Variants in MIER1 observed in about 807,000 individuals in gnomAD.
MIER1 encodes the protein MIER1 transcriptional regulator.
In MIER1, 40 loss-of-function variants were observed where a neutral mutation model predicts 75.7. The ratio of observed to expected loss-of-function variants is 0.53; its 90% confidence interval spans 0.41 to 0.69. The LOEUF is 0.69. MIER1 is among the 30% of genes least tolerant of loss of function. The pLI, the probability that MIER1 is intolerant of heterozygous loss-of-function variation, is 0.00. For synonymous variants in MIER1, 213 were observed against 223.4 expected (o/e 0.95, Z 0.42); for missense variants, 574 against 680.2 (o/e 0.84, Z 1.74).
intron 7 of MIER1, among the ~76,000 whole-genome samples, chr1:66,960,355 C>T (rs999374557): frequency 2.6e-4 from 40 of 151,884 alleles, no homozygotes; most frequent in East Asian, 1.9e-4. Context: ...TTGGCTTCTT[C>T]GTAACTATAT....
chr1:66,960,329 A>G (rs1324926431), intron 7 of MIER1, among the ~76,000 whole-genome samples: 1 of 152,214 alleles, frequency 6.6e-6, no homozygotes, highest in Non-Finnish European at 1.5e-5. Context: ...TAAGCTTATT[A>G]TATGAAGAAA....
intron 9 of MIER1, 66 bp from the exon 10 acceptor site, chr1:66,971,589 T>TTAAGAAATTGTAGCATTGAAGGG: frequency 1.2e-6 from 1 of 821,788 alleles, no homozygotes; most frequent in South Asian, 1.6e-5. Context: ...TGAAAAACTT[T>TTAAGAAATTGTAGCATTGAAGGG]TAAGAAATTG....
chr1:66,958,016 A>C, intron 4 of MIER1, 43 bp from the exon 5 acceptor site: 1 of 1,280,196 alleles, frequency 7.8e-7, no homozygotes, highest in East Asian at 2.5e-5. Context: ...GGAATCAGAA[A>C]TATCACTGAT....
intron 4 of MIER1, among the ~76,000 whole-genome samples, chr1:66,948,938 A>G (rs933216346): frequency 1.3e-5 from 2 of 152,168 alleles, no homozygotes; most frequent in Non-Finnish European, 2.9e-5. Flanking sequence ...TGTGTGTCTG[A>G]AAACAGGGCA....
At chr1:66,947,105 C>A in intron 4 of MIER1, 2 of 553,354 alleles carry the variant, frequency 3.6e-6, no homozygotes, top group Non-Finnish European at 2.3e-6. Flanking sequence ...TGGACCTCTC[C>A]CCCGGCATAC....
In MIER1 at chr1:66,981,770, A is replaced by T. The variant is rs760006944; in HGVS notation, c.1230-9A>T. On this transcript the variant is annotated splice_polypyrimidine_tract_variant and intron_variant, in intron 12 of 13. Coordinates refer to ENST00000401041, the MANE Select transcript of MIER1 (RefSeq NM_001077700.3). ...TTTTTAATATAAAAATTGTTTTATT[A>T]ATTTTAAGGGATTACATGGATCGTC... is the stretch of plus-strand genomic sequence containing the variant. 5.0e-6 allele frequency: 8 copies of T among 1,584,974 alleles called. No homozygotes were observed. Among genetic ancestry groups the T allele is most frequent in the Non-Finnish European group, 6.8e-6 (8 of 1,168,648 alleles).
intron 2 of MIER1, among the ~76,000 whole-genome samples, chr1:66,935,807 A>G (rs1336731711): frequency 1.3e-5 from 2 of 152,112 alleles, no homozygotes; most frequent in East Asian, 3.9e-4. Flanking sequence ...TTATACTCCT[A>G]ATTTTTTTTG....
rs548273681 is a variant in MIER1, at chr1:66,984,683, T to G, written c.1481T>G (p.Met494Arg). 3.7e-6 allele frequency: 6 copies of G among 1,614,032 alleles called. No individual in the cohort carries two copies. Among genetic ancestry groups the G allele is most frequent in the Non-Finnish European group, 5.1e-6 (6 of 1,179,920 alleles). Residue 494 changes from methionine (M) to arginine (R), a missense_variant, in exon 14 of 14, where the codon ATG becomes AGG. Transcript: ENST00000401041. The stretch of plus-strand genomic sequence containing the variant: ...AATAAGAAACCACTTCATGCAGATA[T>G]GGATACTAATGGTTATGAAACAGAT... ...GGNKKPLHAD[M>R]DTNGYETDNL...
intron 8 of MIER1, among the ~76,000 whole-genome samples, chr1:66,964,849 A>G (rs1169171687): frequency 6.6e-6 from 1 of 152,144 alleles, no homozygotes; most frequent in Non-Finnish European, 1.5e-5. Context: ...TTTCAACTTA[A>G]TATACACAAA....
chr1:66,978,745 ACC>A (rs1248219099), intron 12 of MIER1, among the ~76,000 whole-genome samples: 1 of 152,182 alleles, frequency 6.6e-6, no homozygotes, highest in African/African-American at 2.4e-5. Flanking sequence ...GCTGGGTCAG[ACC>A]CATGGTTCAT....
At chr1:66,975,363 C>CA (rs1664492211) in intron 11 of MIER1, among the ~76,000 whole-genome samples, 1 of 151,928 alleles carries the variant, frequency 6.6e-6, no homozygotes, top group Admixed American at 6.6e-5. Context: ...CCCATCTCTA[C>CA]AAAAAATAGA....
In MIER1 at chr1:66,970,974, C is replaced by A; in HGVS notation, c.924+15C>A. ...ACAATGAACAGGTCTGTGAAAGAAACAACTGTTAGAACTTTGCCATACACA... is the reference window on the plus strand; with the variant it reads ...ACAATGAACAGGTCTGTGAAAGAAAAAACTGTTAGAACTTTGCCATACACA... On this transcript the variant is annotated intron_variant, in intron 9 of 13. Transcript: ENST00000401041. The A allele has an allele frequency of 6.4e-7, 1 of 1,565,780 alleles. No individual in the cohort carries two copies. The highest frequency in any genetic ancestry group is 8.6e-7 in the Non-Finnish European group (1 of 1,165,440).
intron 2 of MIER1, chr1:66,928,970 T>A: frequency 6.4e-7 from 1 of 1,573,264 alleles, no homozygotes. Flanking sequence ...CCAGGTAATG[T>A]CCTTTCACTT....
chr1:66,978,528 T>C (rs574419652), intron 12 of MIER1, among the ~76,000 whole-genome samples: 1 of 152,322 alleles, frequency 6.6e-6, no homozygotes, highest in African/African-American at 2.4e-5. Context: ...TTTTTTTCCA[T>C]TGGTAGTATT....
intron 12 of MIER1, among the ~76,000 whole-genome samples, chr1:66,977,886 A>C (rs1002304304): frequency 8.5e-5 from 13 of 152,170 alleles, no homozygotes; most frequent in African/African-American, 3.1e-4. Flanking sequence ...CTTAAAGCTG[A>C]CCAAATAATT....
intron 4 of MIER1, chr1:66,946,505 T>C: frequency 7.9e-7 from 1 of 1,258,252 alleles, no homozygotes; most frequent in Non-Finnish European, 1.0e-6. Context: ...AGAATTCACA[T>C]AGTTACTTTG....
chr1:66,962,672 A>G (rs1661496085), intron 7 of MIER1, among the ~76,000 whole-genome samples: 1 of 152,076 alleles, frequency 6.6e-6, no homozygotes, highest in African/African-American at 2.4e-5. Flanking sequence ...ACCCTGTCTC[A>G]AAAAAACAAA....
chr1:66,925,596 C>T lies in MIER1; in HGVS notation c.67+501C>T, dbSNP rs933786898. ...TGGAGTCAGGGAGGGAGGAGAGACT[C>T]GAATAGGGTATTACTGTAAGGAAAC... On this transcript the variant is annotated intron_variant, in intron 1 of 13. Transcript: ENST00000401041. 6.3e-6 allele frequency: 6 copies of T among 957,978 alleles called. No homozygotes were observed. The African/African-American group carries it at 1.1e-4, about 17-fold the overall frequency. 59.3% of individuals were successfully genotyped at this position (957,978 alleles called of 1,614,324 possible).
In MIER1 at chr1:66,925,175, C is replaced by T. The variant is rs186737069; in HGVS notation, c.67+80C>T. ...GGGCTCCTGAGGTGTCCTCAGTCCC[C>T]TTTCTCTCCTTCCCCTCCCCCACGG... On this transcript the variant is annotated intron_variant, in intron 1 of 13. Transcript: ENST00000401041. The T allele has an allele frequency of 4.6e-4, 689 of 1,483,524 alleles. 5 individuals carry two copies. The East Asian group carries it at 0.013, about 29-fold the overall frequency. 91.9% of individuals were successfully genotyped at this position (1,483,524 alleles called of 1,614,324 possible).
Sources: gnomAD v4.1 joint callset for allele counts (sites outside exome capture counted in the v4.1 genomes callset) on GRCh38, gnomAD v4.1.1 for gene constraint, MANE v1.5 for transcripts, NCBI Gene and HGNC (gene_info 2026-07-23, HGNC 2026-07-21) for gene names.